KNTC1: variants seen among roughly 807,000 people sequenced by gnomAD.
KNTC1 encodes kinetochore associated 1.
Under a neutral mutation model 314.4 loss-of-function variants are expected in KNTC1, and 253 were observed. The observed-to-expected ratio is 0.80, with a 90% CI of 0.73 to 0.89. The LOEUF is 0.89. Ranked by LOEUF, KNTC1 falls within the 40% of genes least tolerant of loss-of-function variation. The probability of loss-of-function intolerance (pLI) is 0.00; values close to 1 mark genes in which losing one functional copy is unlikely to be tolerated. For synonymous variants in KNTC1, 901 were observed against 901.4 expected (o/e 1.00, Z 0.01); for missense variants, 2,475 against 2,572.9 (o/e 0.96, Z 0.82).
At chr12:122,585,042 C>CT in intron 36 of KNTC1, 52 bp downstream of exon 36, 1 of 1,039,548 alleles carries the variant, frequency 9.6e-7, no homozygotes, top group Non-Finnish European at 1.5e-6. Flanking sequence ...GCATTATGCA[C>CT]CTTTTTTTTT....
At chr12:122,615,206 C>T in intron 56 of KNTC1, 120 bp downstream of exon 56, 2 of 809,792 alleles carry the variant, frequency 2.5e-6, no homozygotes, top group Non-Finnish European at 1.9e-6. Flanking sequence ...CAGTCACTCT[C>T]ACTGAGCTCA....
chr12:122,614,527 T>C lies in KNTC1; in HGVS notation c.5878-464T>C, dbSNP rs562056004. 5.9e-5 allele frequency among the ~76,000 whole-genome samples: 9 copies of C among 152,232 alleles called. No homozygotes were observed. The East Asian group carries it at 1.7e-3, about 29-fold the overall frequency. On this transcript the variant is annotated intron_variant, in intron 55 of 63. Transcript: ENST00000333479. ...GTCCATGACAGCAAGAAAAATAATC[T>C]TTTTTGTCATGTCTTTCATTAGAAA...
intron 20 of KNTC1, among the ~76,000 whole-genome samples, chr12:122,565,252 T>A (rs199811846): frequency 0.011 from 1,421 of 131,774 alleles, 19 homozygotes; most frequent in East Asian, 0.069. Flanking sequence ...TTTTTTTTTT[T>A]AAAAAAAAAA....
At position 122,603,194 on chromosome 12, in the gene KNTC1, A is replaced by G. The variant is rs1872172816; in HGVS notation, c.5052A>G (p.Pro1684=). The change falls in exon 48 of 64, where the codon CCA becomes CCG. Residue 1684 remains proline, a synonymous_variant. Transcript: ENST00000333479. ...IESCLLSIVN[P]EWAVAIAISL... ...CCTGCTTACTCTCTATAGTCAACCC[A>G]GAGTGGGCTGTAGCTATTGCCATCA... The G allele has an allele frequency of 6.2e-7, 1 of 1,613,254 alleles. No individual in the cohort carries two copies. Among genetic ancestry groups the G allele is most frequent in the Non-Finnish European group, 8.5e-7 (1 of 1,179,724 alleles).
At chr12:122,607,287 C>T (rs1420786401) in intron 51 of KNTC1, among the ~76,000 whole-genome samples, 1 of 152,200 alleles carries the variant, frequency 6.6e-6, no homozygotes, top group Non-Finnish European at 1.5e-5. Context: ...TGGTCTCGAA[C>T]TCCTGGCCTC....
chr12:122,609,840 A>G (rs1872928631), intron 52 of KNTC1, among the ~76,000 whole-genome samples: 1 of 152,166 alleles, frequency 6.6e-6, no homozygotes, highest in Non-Finnish European at 1.5e-5. Context: ...CATTGATTTT[A>G]TCTAATGTGC....
At chr12:122,550,329 C>T (rs1373664203) in intron 13 of KNTC1, among the ~76,000 whole-genome samples, 1 of 152,118 alleles carries the variant, frequency 6.6e-6, no homozygotes, top group Non-Finnish European at 1.5e-5. Flanking sequence ...AAAATAAGGG[C>T]ATTCTTCTAC....
At chr12:122,571,278 A>G (rs1226100107) in intron 24 of KNTC1, among the ~76,000 whole-genome samples, 152 bp downstream of exon 24, 1 of 151,976 alleles carries the variant, frequency 6.6e-6, no homozygotes, top group African/African-American at 2.4e-5. Flanking sequence ...TCAAATCCAT[A>G]TGTAGGAAAA....
chr12:122,541,664 T>C lies in KNTC1; in HGVS notation c.446-386T>C, dbSNP rs78981943. 2.5e-4 allele frequency among the ~76,000 whole-genome samples: 19 copies of C among 74,818 alleles called. 1 individual carries two copies. The Admixed American group carries it at 3.3e-3, about 13-fold the overall frequency. 49.1% of individuals were successfully genotyped at this position (74,818 alleles called of 152,430 possible). A position where few individuals can be genotyped will look rare whatever the true frequency, so the allele number is the denominator to read the frequency against. On this transcript the variant is annotated intron_variant, in intron 5 of 63. Coordinates refer to ENST00000333479, the MANE Select transcript of KNTC1 (RefSeq NM_014708.6). ...CCCGCCTCTTTCTGTCTTTCTCTCT[T>C]TCTTCAAAAGCCACGTTCAAACAGA...
chr12:122,569,459 C>G (rs1463683949), intron 21 of KNTC1, among the ~76,000 whole-genome samples: 4 of 152,188 alleles, frequency 2.6e-5, no homozygotes, highest in Admixed American at 2.6e-4. Flanking sequence ...TCTGCTGGTT[C>G]TTCTGCTACA....
At chr12:122,548,944 G>A (rs1371704898) in intron 12 of KNTC1, among the ~76,000 whole-genome samples, 1 of 152,048 alleles carries the variant, frequency 6.6e-6, no homozygotes, top group Non-Finnish European at 1.5e-5. Context: ...CTCCACCTGG[G>A]CAACAAAAGC....
At position 122,585,764 on chromosome 12, in the gene KNTC1, G is replaced by A. The variant is rs776399292; in HGVS notation, c.3663G>A (p.Val1221=). ...PVIYELISSL[V]PLAESKRYPL... ...TTTATGAACTGATTTCATCTCTTGT[G>A]CCTCTAGCTGGTAAGTCTTATTTGT... Residue 1221 remains valine, a synonymous_variant, in exon 37 of 64, where the codon GTG becomes GTA. Coordinates refer to ENST00000333479, the MANE Select transcript of KNTC1 (RefSeq NM_014708.6). 4.3e-6 allele frequency: 7 copies of A among 1,613,586 alleles called. No homozygotes were observed. The highest frequency in any genetic ancestry group is 2.2e-5 in the South Asian group (2 of 91,070).
intron 44 of KNTC1, among the ~76,000 whole-genome samples, chr12:122,599,828 G>A (rs918946261): frequency 6.6e-6 from 1 of 152,020 alleles, no homozygotes; most frequent in Non-Finnish European, 1.5e-5. Context: ...GCCAGCCTGG[G>A]GAACATAGTA....
At chr12:122,577,075 G>GTGC in intron 30 of KNTC1, 46 bp downstream of exon 30, 1 of 1,421,380 alleles carries the variant, frequency 7.0e-7, no homozygotes, top group Non-Finnish European at 9.3e-7. Context: ...CTTTGTTTCT[G>GTGC]TGTTGTTGTT....
chr12:122,571,184 G>C (rs1964658408), intron 24 of KNTC1, 58 bp downstream of exon 24: 1 of 1,286,852 alleles, frequency 7.8e-7, no homozygotes, highest in Non-Finnish European at 1.1e-6. Context: ...GAAAGGGTTT[G>C]TCTGCATGTA....
At chr12:122,587,389 A>G (rs1039276574) in intron 38 of KNTC1, among the ~76,000 whole-genome samples, 8 of 152,198 alleles carry the variant, frequency 5.3e-5, no homozygotes, top group Admixed American at 5.2e-4. Context: ...TATTTGTTTA[A>G]AAGTTCAGTA....
chr12:122,541,846 C>G (rs1593494449), intron 5 of KNTC1, among the ~76,000 whole-genome samples: 1 of 151,726 alleles, frequency 6.6e-6, no homozygotes, highest in Admixed American at 6.6e-5. Context: ...TGGTGAAACC[C>G]TGTCTCTACT....
chr12:122,556,886 G>T (rs1593533437), intron 16 of KNTC1, among the ~76,000 whole-genome samples: 1 of 127,776 alleles, frequency 7.8e-6, no homozygotes. Flanking sequence ...AGGTTTATCT[G>T]TGTTGTTGTT....
At chr12:122,551,824 A>G (rs994267673) in intron 16 of KNTC1, 128 bp downstream of exon 16, 3 of 710,034 alleles carry the variant, frequency 4.2e-6, no homozygotes, top group Non-Finnish European at 4.9e-6. Flanking sequence ...ATATGACTGA[A>G]GTTGATTAGA....
Sources: allele counts gnomAD v4.1 joint callset (sites outside exome capture counted in the v4.1 genomes callset), GRCh38; gene constraint gnomAD v4.1.1; transcripts MANE v1.5; gene names NCBI Gene and HGNC (gene_info 2026-07-23, HGNC 2026-07-21).